DYNC2H1: variants seen among roughly 807,000 people sequenced by gnomAD.
The protein encoded by DYNC2H1 is cytoplasmic dynein 2 heavy chain 1.
Under a neutral mutation model 570.0 loss-of-function variants are expected in DYNC2H1, and 410 were observed. The ratio of observed to expected loss-of-function variants is 0.72; its 90% CI spans 0.66 to 0.78. The LOEUF is 0.78. Among genes scored for constraint, DYNC2H1 ranks in the 30% least tolerant of loss-of-function variants. DYNC2H1 has a pLI of 0.00. For synonymous variants in DYNC2H1, 1,688 were observed against 1,677.6 expected, an observed-to-expected ratio of 1.01 and a Z score of -0.15; for missense variants, 4,865 against 5,046.4, an observed-to-expected ratio of 0.96 and a Z score of 1.09.
chr11:103,298,183 A>C lies in DYNC2H1; in HGVS notation c.11096-4910A>C, dbSNP rs575521574. Among the ~76,000 whole-genome samples the C allele has an allele frequency of 2.9e-4, 44 of 152,208 alleles. 1 individual carries two copies. The South Asian group carries it at 8.7e-3, about 30-fold the overall frequency. Reference sequence around the variant, plus strand: ...TCCTAACCACTCTTGACCCTTGCTCAGTTCTTTACCAACGTAATAGTCTTT... The same window carrying C: ...TCCTAACCACTCTTGACCCTTGCTCCGTTCTTTACCAACGTAATAGTCTTT... On this transcript the variant is annotated intron_variant, in intron 75 of 88. Coordinates refer to ENST00000375735, the MANE Select transcript of DYNC2H1 (RefSeq NM_001377.3).
chr11:103,416,824 A>G (rs530495662), intron 84 of DYNC2H1, among the ~76,000 whole-genome samples: 564 of 152,366 alleles, frequency 3.7e-3, no homozygotes, highest in Non-Finnish European at 6.2e-3. Flanking sequence ...AAAAGAAACT[A>G]TCATCAGAGT....
At position 103,428,146 on chromosome 11, in the gene DYNC2H1, C is replaced by T. The variant is rs540317804; in HGVS notation, c.12367-7797C>T. On this transcript the variant is annotated intron_variant, in intron 84 of 88. Transcript: ENST00000375735. ...AATGGAACTCTGGGACAACAGGCAT[C>T]ATTAGTCAAATGGATATATGGTCTC... 2.0e-3 allele frequency among the ~76,000 whole-genome samples: 290 copies of T among 148,340 alleles called. 2 individuals are homozygous for T. The Middle Eastern group carries it at 0.024, about 12-fold the overall frequency.
rs1862113398 is a variant in DYNC2H1, at chr11:103,187,359, T to G, written c.6913T>G (p.Phe2305Val). ...CGKGMLLRYA[F>V]SQLRSTQIAT... ...TCGTAGGATGCTGCTCAGGTACGCATTTTCACAACTCCGGTCCACTCAAAT... is the reference window on the plus strand; with the variant it reads ...TCGTAGGATGCTGCTCAGGTACGCAGTTTCACAACTCCGGTCCACTCAAAT... The change falls in exon 43 of 89, where the codon TTT (phenylalanine) becomes GTT (valine). Residue 2305 changes from phenylalanine to valine, a missense_variant. Phe to Val is a conservative substitution (Grantham distance 50). Coordinates refer to ENST00000375735, the MANE Select transcript of DYNC2H1 (RefSeq NM_001377.3). 6.2e-7 allele frequency: 1 copy of G among 1,612,880 alleles called. No individual in the cohort carries two copies. The highest frequency in any genetic ancestry group is 1.3e-5 in the African/African-American group (1 of 74,860).
At chr11:103,414,099 G>A (rs187404054) in intron 84 of DYNC2H1, among the ~76,000 whole-genome samples, 1 of 152,098 alleles carries the variant, frequency 6.6e-6, no homozygotes, top group East Asian at 1.9e-4. Context: ...GTACCAAAGA[G>A]GTATGCATAA....
At chr11:103,404,362 C>T (rs572397286) in intron 84 of DYNC2H1, 72 of 150,972 alleles carry the variant, frequency 4.8e-4, no homozygotes, top group Non-Finnish European at 9.5e-4. Context: ...GGTGGACAGC[C>T]GTAAAGTCAC....
chr11:103,467,247 A>AT (rs1289875407), intron 87 of DYNC2H1, among the ~76,000 whole-genome samples: 1 of 152,224 alleles, frequency 6.6e-6, no homozygotes, highest in African/African-American at 2.4e-5. Context: ...TAGAAAGAAT[A>AT]TTTAAGTATT....
chr11:103,153,588 G>A, intron 22 of DYNC2H1, 80 bp downstream of exon 22: 2 of 1,238,094 alleles, frequency 1.6e-6, no homozygotes, highest in Non-Finnish European at 1.1e-6. Flanking sequence ...TCTTATGTCT[G>A]TTATCTTGAT....
intron 85 of DYNC2H1, among the ~76,000 whole-genome samples, chr11:103,438,549 T>C (rs1462871147): frequency 6.6e-6 from 1 of 152,074 alleles, no homozygotes; most frequent in African/African-American, 2.4e-5. Flanking sequence ...GATCCAGCTA[T>C]AGTTTAAGAT....
chr11:103,220,813 T>A (rs988912774), intron 57 of DYNC2H1, 30 bp downstream of exon 57: 2 of 1,582,350 alleles, frequency 1.3e-6, no homozygotes, highest in African/African-American at 1.4e-5. Flanking sequence ...AAAAATATTA[T>A]TTCGGCAATG....
chr11:103,458,408 C>T (rs762998319), intron 87 of DYNC2H1, among the ~76,000 whole-genome samples: 6 of 152,104 alleles, frequency 3.9e-5, no homozygotes, highest in South Asian at 2.1e-4. Flanking sequence ...TGATGCATTT[C>T]TCAGAATGTA....
chr11:103,257,557 C>G (rs757624078), intron 68 of DYNC2H1, 51 bp from the exon 69 acceptor site: 8 of 1,521,808 alleles, frequency 5.3e-6, no homozygotes, highest in Non-Finnish European at 7.1e-6. Context: ...CAGTAAAGCA[C>G]TAATTCTAAG....
At chr11:103,471,777 C>T (rs369432214) in intron 88 of DYNC2H1, among the ~76,000 whole-genome samples, 1 of 152,096 alleles carries the variant, frequency 6.6e-6, no homozygotes, top group East Asian at 1.9e-4. Context: ...CAGAGTCTTC[C>T]GCCAACTGGG....
intron 63 of DYNC2H1, 50 bp downstream of exon 63, chr11:103,236,589 T>C: frequency 9.9e-7 from 1 of 1,015,002 alleles, no homozygotes; most frequent in Non-Finnish European, 1.5e-6. Flanking sequence ...ATTGTCAAGC[T>C]TGCTGTAGAA....
At chr11:103,368,310 C>T (rs2135548620) in intron 83 of DYNC2H1, among the ~76,000 whole-genome samples, 1 of 152,210 alleles carries the variant, frequency 6.6e-6, no homozygotes, top group East Asian at 1.9e-4. Context: ...TGGAATGAGA[C>T]AACATCTCGT....
At chr11:103,361,754 T>G (rs969913662) in intron 83 of DYNC2H1, among the ~76,000 whole-genome samples, 1 of 151,880 alleles carries the variant, frequency 6.6e-6, no homozygotes, top group Non-Finnish European at 1.5e-5. Context: ...GAGAAAAAAA[T>G]TTAGAGTTAT....
At position 103,129,681 on chromosome 11, in the gene DYNC2H1, C is replaced by CAA. The variant is rs201616295; in HGVS notation, c.1953+684_1953+685dup. ...CCTGGGAGACAGAGCGACTCCATCT[C>CAA]AAAAAAAAAGAAAAAAAAGAAAGAA... On this transcript the variant is annotated intron_variant, in intron 13 of 88. Coordinates refer to ENST00000375735, the MANE Select transcript of DYNC2H1 (RefSeq NM_001377.3). The surrounding 1 kb of genome is among the most constrained non-coding windows in gnomAD (Gnocchi z 4.1). 6.9e-6 allele frequency among the ~76,000 whole-genome samples: 1 copy of CAA among 144,028 alleles called. No homozygotes were observed. The highest frequency in any genetic ancestry group is 1.5e-5 in the Non-Finnish European group (1 of 65,854). The allele number at this position is 144,028 out of a possible 152,430, so 94.5% of individuals were successfully genotyped here.
At chr11:103,197,579 C>T (rs1862551725) in intron 47 of DYNC2H1, among the ~76,000 whole-genome samples, 1 of 152,080 alleles carries the variant, frequency 6.6e-6, no homozygotes, top group Non-Finnish European at 1.5e-5. Context: ...TCCCAAGTAG[C>T]TAGGACCACA....
chr11:103,175,901 A>G (rs1285569071), intron 36 of DYNC2H1, among the ~76,000 whole-genome samples: 1 of 152,176 alleles, frequency 6.6e-6, no homozygotes, highest in Non-Finnish European at 1.5e-5. Flanking sequence ...CCTACTTTAT[A>G]GGGTTGTTAA....
At position 103,198,048 on chromosome 11, in the gene DYNC2H1, G is replaced by A; in HGVS notation, c.7824G>A (p.Lys2608=). 1.9e-6 allele frequency: 3 copies of A among 1,552,052 alleles called. No individual in the cohort carries two copies. The highest frequency in any genetic ancestry group is 1.7e-4 in the Middle Eastern group (1 of 5,992). Residue 2608 remains lysine (K), a synonymous_variant, in exon 48 of 89, where the codon AAG becomes AAA. Transcript: ENST00000375735. The stretch of plus-strand genomic sequence containing the variant: ...GAAAACTAAACTCTACTGATCTCAA[G>A]GATGTTATTAAAAAGGTATAATATG... The part of the protein sequence containing the change: ...PLGKLNSTDL[K]DVIKKGLIHY...
Sources: allele counts gnomAD v4.1 joint callset (sites outside exome capture counted in the v4.1 genomes callset), GRCh38; gene constraint gnomAD v4.1.1; non-coding constraint Gnocchi (gnomAD v3.1); transcripts MANE v1.5; gene names NCBI Gene and HGNC (gene_info 2026-07-23, HGNC 2026-07-21).